Variants in ACVR1C observed in about 807,000 individuals in gnomAD.
The protein encoded by ACVR1C is activin receptor type-1C.
ACVR1C carries 23 observed loss-of-function variants against 57.9 expected under a neutral mutation model. The observed-to-expected ratio is 0.40, with a 90% CI of 0.29 to 0.56. ACVR1C has a LOEUF of 0.56. Among genes scored for constraint, ACVR1C ranks in the 20% least tolerant of loss-of-function variants. The pLI is 0.50. For missense variants in ACVR1C, 480 were observed against 607.9 expected, an observed-to-expected ratio of 0.79 and a Z score of 2.21; for synonymous variants, 214 against 215.3, an observed-to-expected ratio of 0.99 and a Z score of 0.05.
chr2:157,607,834 C>G (rs1354165541), intron 1 of ACVR1C, among the ~76,000 whole-genome samples: 1 of 151,650 alleles, frequency 6.6e-6, no homozygotes, highest in Admixed American at 6.6e-5. Context: ...CTGAATTGAA[C>G]AGTTCTAGGA....
intron 4 of ACVR1C, among the ~76,000 whole-genome samples, chr2:157,545,386 C>A (rs1347932485): frequency 6.6e-6 from 1 of 152,168 alleles, no homozygotes; most frequent in African/African-American, 2.4e-5. Context: ...GTATATATGA[C>A]AGCTCTTTGT....
chr2:157,576,114 G>A (rs1688643369), intron 2 of ACVR1C, among the ~76,000 whole-genome samples: 1 of 150,762 alleles, frequency 6.6e-6, no homozygotes, highest in African/African-American at 2.4e-5. Flanking sequence ...CTCAACATTG[G>A]CACCCCCATT....
At chr2:157,537,449 C>T (rs186824511) in intron 8 of ACVR1C, among the ~76,000 whole-genome samples, 73 of 150,924 alleles carry the variant, frequency 4.8e-4, no homozygotes, top group African/African-American at 1.7e-3. Context: ...TCAAAATTTG[C>T]TTCTCAAGTA....
intron 2 of ACVR1C, among the ~76,000 whole-genome samples, chr2:157,585,764 T>A (rs1327241143): frequency 6.6e-6 from 1 of 151,962 alleles, no homozygotes; most frequent in Non-Finnish European, 1.5e-5. Context: ...CCATAATAGA[T>A]CCCAGATCAC....
At chr2:157,580,066 AACAC>A (rs371320436) in intron 2 of ACVR1C, among the ~76,000 whole-genome samples, 9 of 149,614 alleles carry the variant, frequency 6.0e-5, no homozygotes, top group South Asian at 4.2e-4. Flanking sequence ...TCTTGCAATT[AACAC>A]ACACACACAC....
intron 1 of ACVR1C, among the ~76,000 whole-genome samples, chr2:157,615,384 G>A (rs1402302248): frequency 6.7e-6 from 1 of 150,284 alleles, no homozygotes; most frequent in Non-Finnish European, 1.5e-5. Context: ...TGTGGGTTTT[G>A]CCTGTTTTGA....
intron 1 of ACVR1C, among the ~76,000 whole-genome samples, chr2:157,627,679 G>A (rs192973990): frequency 1.3e-5 from 2 of 152,314 alleles, no homozygotes; most frequent in East Asian, 3.9e-4. Flanking sequence ...GAAAACACCA[G>A]ATTTTTATGT....
At chr2:157,603,652 T>C (rs1454389036) in intron 1 of ACVR1C, among the ~76,000 whole-genome samples, 1 of 152,132 alleles carries the variant, frequency 6.6e-6, no homozygotes, top group Non-Finnish European at 1.5e-5. Context: ...ACAGATAATG[T>C]CCCTGACTGC....
intron 2 of ACVR1C, among the ~76,000 whole-genome samples, chr2:157,562,315 T>A (rs1397691977): frequency 6.9e-6 from 1 of 145,638 alleles, no homozygotes; most frequent in Non-Finnish European, 1.5e-5. Flanking sequence ...AATATATATA[T>A]ATATAAAATA....
chr2:157,604,466 A>G (rs961596371), intron 1 of ACVR1C, among the ~76,000 whole-genome samples: 7 of 152,052 alleles, frequency 4.6e-5, no homozygotes, highest in African/African-American at 1.4e-4. Context: ...CCATTTGTTT[A>G]TCCATTCATC....
At chr2:157,588,128 A>C (rs1354986268) in intron 1 of ACVR1C, among the ~76,000 whole-genome samples, 1 of 151,978 alleles carries the variant, frequency 6.6e-6, no homozygotes, top group Non-Finnish European at 1.5e-5. Context: ...AAAGTAAGGC[A>C]AATCAATAAT....
intron 8 of ACVR1C, among the ~76,000 whole-genome samples, chr2:157,535,984 CAA>C (rs1371610308): frequency 6.6e-6 from 1 of 151,958 alleles, no homozygotes; most frequent in African/African-American, 2.4e-5. Context: ...TTGGCACATA[CAA>C]AGAGTCTAAA....
chr2:157,550,088 C>A, intron 4 of ACVR1C, 74 bp downstream of exon 4: 46 of 1,243,516 alleles, frequency 3.7e-5, no homozygotes, highest in South Asian at 1.2e-4. Context: ...TACTAGACAA[C>A]ATTTTTTTTT....
intron 1 of ACVR1C, among the ~76,000 whole-genome samples, chr2:157,592,143 A>G (rs1573941896): frequency 6.6e-6 from 1 of 152,078 alleles, no homozygotes; most frequent in East Asian, 1.9e-4. Context: ...CTGAGGGGAC[A>G]TGCAGTCAAA....
At chr2:157,627,522 G>A (rs1342724012) in intron 1 of ACVR1C, among the ~76,000 whole-genome samples, 1 of 152,142 alleles carries the variant, frequency 6.6e-6, no homozygotes, top group Non-Finnish European at 1.5e-5. Context: ...GTACATGACA[G>A]CAATCATATC....
chr2:157,550,033 G>C (rs912858462), intron 4 of ACVR1C, 129 bp downstream of exon 4: 12 of 779,088 alleles, frequency 1.5e-5, no homozygotes, highest in Non-Finnish European at 2.1e-5. Context: ...AAAAGGAAAA[G>C]GAAAAAAAAA....
chr2:157,538,954 AATT>A (rs1470621689), intron 7 of ACVR1C, among the ~76,000 whole-genome samples: 2 of 148,804 alleles, frequency 1.3e-5, no homozygotes, highest in African/African-American at 4.9e-5. Context: ...GATTATATAA[AATT>A]ATAATATATA....
chr2:157,530,991 A>G lies in ACVR1C; in HGVS notation c.*2927T>C, dbSNP rs1005789085. 1.5e-4 allele frequency: 23 copies of G among 152,024 alleles called. 1 individual carries two copies. 9.4% of individuals were successfully genotyped at this position (152,024 alleles called of 1,614,324 possible). On this transcript the variant is annotated 3_prime_UTR_variant, in exon 9 of 9. Transcript: ENST00000243349. ...GAAAATTCATAATAGTGTTTTCCCA[A>G]GTCTTGTATTATACCCCAAAGCCAA...
In ACVR1C at chr2:157,531,341, G is replaced by T. The variant is rs1687346256; in HGVS notation, c.*2577C>A. 1 of 151,796 alleles carries T rather than the reference G, an allele frequency of 6.6e-6. No individual in the cohort carries two copies. The highest frequency in any genetic ancestry group is 1.5e-5 in the Non-Finnish European group (1 of 67,902). 9.4% of individuals were successfully genotyped at this position (151,796 alleles called of 1,614,324 possible). On this transcript the variant is annotated 3_prime_UTR_variant, in exon 9 of 9. Transcript: ENST00000243349. ...AATGTATTTTGTAATTGAAATATAA[G>T]ACTACTCAGTTAGGAGTCATAGTTA... is the stretch of plus-strand genomic sequence containing the variant.
Sources: allele counts gnomAD v4.1 joint callset (sites outside exome capture counted in the v4.1 genomes callset), GRCh38; gene constraint gnomAD v4.1.1; transcripts MANE v1.5; gene names NCBI Gene and HGNC (gene_info 2026-07-23, HGNC 2026-07-21).